The following RABL6 variants were observed in gnomAD, a reference collection of about 807,000 sequenced individuals.
RABL6 encodes rab-like protein 6.
Under a neutral mutation model 72.9 loss-of-function variants are expected in RABL6, and 28 were observed. That is an observed-to-expected ratio of 0.38 (90% CI 0.28 to 0.53). The LOEUF (loss-of-function observed/expected upper bound fraction) is 0.53. RABL6 is among the 20% of genes least tolerant of loss of function. RABL6 has a pLI of 0.80. For missense variants in RABL6, 1,029 were observed against 1,008.4 expected (o/e 1.02, Z -0.28); for synonymous variants, 477 against 421.2 (o/e 1.13, Z -1.62).
Position 136,831,869 on chromosome 9 carries a change from C to A in RABL6, c.599+8C>A. 1 of 1,604,186 alleles carries A rather than the reference C, an allele frequency of 6.2e-7. No homozygotes were observed. On this transcript the variant is annotated splice_region_variant and intron_variant, in intron 6 of 14. Transcript: ENST00000311502. The stretch of plus-strand genomic sequence containing the variant: ...CATCGACAACCTGGACAGGTGGGTG[C>A]GGTGGCCCTGCTCCCGAGGGACCCT...
chr9:136,839,643 C>T, intron 12 of RABL6, 51 bp from the exon 13 acceptor site: 2 of 1,552,080 alleles, frequency 1.3e-6, no homozygotes, highest in East Asian at 2.3e-5. Context: ...CCCACAACCC[C>T]TGGGGGTGTG....
chr9:136,839,437 T>C lies in RABL6; in HGVS notation c.1709T>C (p.Met570Thr), dbSNP rs1312934220. Residue 570 changes from methionine to threonine, a missense_variant, in exon 12 of 15, where the codon ATG (methionine) becomes ACG (threonine). Met to Thr is a moderately conservative substitution (Grantham distance 81). This residue lies in a region of RABL6 where 595 missense variants were observed against 472.4 expected (regional missense o/e 1.26). Transcript: ENST00000311502. Reference sequence around the variant, plus strand: ...GCTGCACAAATGCTGTCCTTCGTCATGGATGACCCCGACTTTGAGAGCGAG... The same window carrying C: ...GCTGCACAAATGCTGTCCTTCGTCACGGATGACCCCGACTTTGAGAGCGAG... ...PIAAQMLSFV[M>T]DDPDFESEGS... is the part of the protein sequence containing the mutation. The C allele has an allele frequency of 1.9e-6, 3 of 1,612,654 alleles. No homozygotes were observed. Among genetic ancestry groups the C allele is most frequent in the Admixed American group, 1.7e-5 (1 of 59,974 alleles).
chr9:136,821,308 T>G (rs767347483), intron 1 of RABL6: 422 of 984,222 alleles, frequency 4.3e-4, no homozygotes, highest in Non-Finnish European at 4.8e-4. Flanking sequence ...GTCTCTGCGC[T>G]CTCCGCGTTG....
rs374806121 is a variant in RABL6, at chr9:136,828,613, C to T, written c.366+67C>T. ...CCGGGGTGCGTGAGCCGGTGCCCAG[C>T]GCTTCACACGCTTTTGACCCCAACC... On this transcript the variant is annotated intron_variant, in intron 4 of 14. Coordinates refer to ENST00000311502, the MANE Select transcript of RABL6 (RefSeq NM_024718.5). The T allele has an allele frequency of 7.3e-5, 112 of 1,525,922 alleles. 1 individual carries two copies. The highest frequency in any genetic ancestry group is 2.2e-4 in the Middle Eastern group (1 of 4,482). 94.5% of individuals were successfully genotyped at this position (1,525,922 alleles called of 1,614,324 possible).
At chr9:136,821,057 G>T (rs79408048) in intron 1 of RABL6, among the ~76,000 whole-genome samples, 2 of 152,218 alleles carry the variant, frequency 1.3e-5, no homozygotes, top group Admixed American at 1.3e-4. Context: ...CTGGCCAGAT[G>T]CCTGGAATGA....
At chr9:136,825,909 C>G (rs1021827920) in intron 3 of RABL6, 83 bp downstream of exon 3, 2 of 1,476,030 alleles carry the variant, frequency 1.4e-6, no homozygotes, top group African/African-American at 2.8e-5. Context: ...CCCCCGGCGC[C>G]CATGCATCAC....
chr9:136,821,150 G>A (rs1211768191), intron 1 of RABL6, among the ~76,000 whole-genome samples: 2 of 152,222 alleles, frequency 1.3e-5, no homozygotes, highest in Non-Finnish European at 2.9e-5. Context: ...TGTCTGCCTT[G>A]TTTAAGTTCC....
At chr9:136,823,929 C>T (rs956288902) in intron 2 of RABL6, among the ~76,000 whole-genome samples, 1 of 152,208 alleles carries the variant, frequency 6.6e-6, no homozygotes, top group Non-Finnish European at 1.5e-5. Flanking sequence ...GCGGGCGCCT[C>T]GGGGGCTGAA....
intron 1 of RABL6, chr9:136,812,776 C>A: frequency 2.8e-6 from 1 of 355,042 alleles, no homozygotes; most frequent in Non-Finnish European, 5.6e-6. Flanking sequence ...GACAAAGGGA[C>A]AGAAGCCGTT....
Position 136,821,543 on chromosome 9 carries a change from G to A in RABL6, c.131-1982G>A, listed in dbSNP as rs548853312. 2.7e-3 allele frequency: 2,672 copies of A among 985,382 alleles called. 6 individuals are homozygous for A. The highest frequency in any genetic ancestry group is 2.8e-3 in the Non-Finnish European group (2,324 of 829,966). The allele number at this position is 985,382 out of a possible 1,614,324, so 61.0% of individuals were successfully genotyped here. The stretch of plus-strand genomic sequence containing the variant: ...CGGCCCGGGCAGTCTCTGCGAGCCC[G>A]GGCTGCTGCTCATCTGGGGGGGACG... On this transcript the variant is annotated intron_variant, in intron 1 of 14. Transcript: ENST00000311502.
At chr9:136,824,597 G>C (rs1317613318) in intron 2 of RABL6, among the ~76,000 whole-genome samples, 1 of 151,926 alleles carries the variant, frequency 6.6e-6, no homozygotes, top group Non-Finnish European at 1.5e-5. Flanking sequence ...CCAAAGTGCT[G>C]GGATTATAGG....
chr9:136,816,366 A>C, intron 1 of RABL6, among the ~76,000 whole-genome samples: 1 of 151,816 alleles, frequency 6.6e-6, no homozygotes, highest in South Asian at 2.1e-4. Flanking sequence ...TGGCCTCCCA[A>C]AGTGCTGGCA....
At chr9:136,813,703 C>T (rs775794032) in intron 1 of RABL6, 1 of 195,258 alleles carries the variant, frequency 5.1e-6, no homozygotes, top group Non-Finnish European at 1.0e-5. Flanking sequence ...GCAAGCTCCA[C>T]CTCCCAAGTT....
intron 7 of RABL6, chr9:136,834,504 C>T (rs1045853467): frequency 5.2e-6 from 5 of 953,744 alleles, no homozygotes; most frequent in Non-Finnish European, 6.2e-6. Flanking sequence ...TTTTTGGAGA[C>T]GGAGTCTCAC....
rs145769429 is a variant in RABL6 at position 136,811,888 on chromosome 9, G to C, written c.130+3562G>C. Among the ~76,000 whole-genome samples, 45 of 152,316 alleles carry C rather than the reference G, an allele frequency of 3.0e-4. 1 individual carries two copies. In the East Asian group the frequency reaches 8.3e-3, roughly 28 times the overall value. ...AAGGGAGGAGGCCACAATGAGGCCT[G>C]TCTGACTCCCCTCTTCCCATAATGG... On this transcript the variant is annotated intron_variant, in intron 1 of 14. Transcript: ENST00000311502.
chr9:136,839,525 G>A, intron 12 of RABL6, 39 bp downstream of exon 12: 1 of 1,584,086 alleles, frequency 6.3e-7, no homozygotes, highest in Non-Finnish European at 8.6e-7. Context: ...CAGCCAGGTG[G>A]CCAGGGTCCC....
In RABL6 at chr9:136,837,375, G is replaced by A. The variant is rs200704265; in HGVS notation, c.839G>A (p.Arg280His). ...CTGGAGATGATGGAGGCTCGCAGCC[G>A]TGGCCATGCGTCCCCACTGGCGGCC... ...IFLEMMEARS[R>H]GHASPLAANG... The change falls in exon 9 of 15, where the codon CGT becomes CAT. Residue 280 changes from arginine (R) to histidine (H), a missense_variant. Transcript: ENST00000311502. 4.1e-3 allele frequency: 6,493 copies of A among 1,602,836 alleles called. 23 individuals are homozygous for A. The highest frequency in any genetic ancestry group is 4.8e-3 in the Non-Finnish European group (5,671 of 1,175,718).
rs1848351564 is a variant in RABL6 at position 136,826,131 on chromosome 9, G to A, written c.313+305G>A. Among the ~76,000 whole-genome samples, 1 of 152,142 alleles carries A rather than the reference G, an allele frequency of 6.6e-6. No individual in the cohort carries two copies. Among genetic ancestry groups the A allele is most frequent in the African/African-American group, 2.4e-5 (1 of 41,418 alleles). ...CCCAAGGCCCAGGGTGCTATTTTGG[G>A]AGCCCTCCTCCTGCACTGCCTGGCG... On this transcript the variant is annotated intron_variant, in intron 3 of 14. Transcript: ENST00000311502. The surrounding 1 kb of genome is among the most constrained non-coding windows in gnomAD (Gnocchi z 4.9).
Position 136,840,567 on chromosome 9 carries a change from C to A in RABL6, c.*45C>A. 1 of 1,548,004 alleles carries A rather than the reference C, an allele frequency of 6.5e-7. No individual in the cohort carries two copies. Among genetic ancestry groups the A allele is most frequent in the Non-Finnish European group, 8.7e-7 (1 of 1,146,412 alleles). ...GCCCTGGGGCGGGGGGCGTGCCTGT[C>A]ACTGCCTGGGGAGGCATTTGCCTCT... On this transcript the variant is annotated 3_prime_UTR_variant, in exon 15 of 15. Transcript: ENST00000311502.
Sources: allele counts gnomAD v4.1 joint callset (sites outside exome capture counted in the v4.1 genomes callset), GRCh38; gene constraint gnomAD v4.1.1; regional missense constraint gnomAD v4.1.1; non-coding constraint Gnocchi (gnomAD v3.1); transcripts MANE v1.5; gene names NCBI Gene and HGNC (gene_info 2026-07-23, HGNC 2026-07-21).